Variants in PPM1A observed in about 807,000 individuals in gnomAD.
PPM1A encodes protein phosphatase, Mg2+/Mn2+ dependent 1A, also known as protein phosphatase 1A.
PPM1A carries 7 observed loss-of-function variants against 35.0 expected under a neutral mutation model. That is an observed-to-expected ratio of 0.20 (90% CI 0.11 to 0.38). PPM1A has a LOEUF of 0.38. Ranked by LOEUF, PPM1A falls within the 10% of genes least tolerant of loss-of-function variation. The pLI, the probability that PPM1A is intolerant of heterozygous loss-of-function variation, is 1.00. For synonymous variants in PPM1A, 153 were observed against 167.3 expected (o/e 0.91, Z 0.66); for missense variants, 239 against 467.8 (o/e 0.51, Z 4.51).
intron 1 of PPM1A, among the ~76,000 whole-genome samples, chr14:60,258,506 G>A (rs1392120049): frequency 1.3e-5 from 2 of 152,100 alleles, no homozygotes; most frequent in African/African-American, 2.4e-5. Flanking sequence ...AATAATGGGA[G>A]TGTGTATCTA....
At chr14:60,287,936 G>C (rs2139573177) in intron 3 of PPM1A, 1 of 985,280 alleles carries the variant, frequency 1.0e-6, no homozygotes, top group Non-Finnish European at 1.2e-6. Flanking sequence ...GAATGTGTTT[G>C]TGTATATGTA....
intron 4 of PPM1A, among the ~76,000 whole-genome samples, chr14:60,291,113 T>C (rs908406622): frequency 4.6e-5 from 7 of 152,110 alleles, no homozygotes; most frequent in African/African-American, 1.7e-4. Context: ...CCAATTCAAA[T>C]GGAAGTAGAC....
At position 60,282,271 on chromosome 14, in the gene PPM1A, A is replaced by G. The variant is rs1886486300; in HGVS notation, c.-20-413A>G. On this transcript the variant is annotated intron_variant, in intron 1 of 5. Transcript: ENST00000395076. This position sits in a 1 kb window ranked among gnomAD's most constrained non-coding sequence, Gnocchi z 5.1. ...CTTGAAAATTCCTGAATGTTCAACC[A>G]AGATATATTTGAGTTAGTAGATTTT... Among the ~76,000 whole-genome samples the G allele has an allele frequency of 9.3e-6, 1 of 107,578 alleles. No homozygotes were observed. Among genetic ancestry groups the G allele is most frequent in the Admixed American group, 7.6e-5 (1 of 13,234 alleles). The allele number at this position is 107,578 out of a possible 152,430, so 70.6% of individuals were successfully genotyped here.
chr14:60,263,280 AC>A (rs1883981388), intron 1 of PPM1A, among the ~76,000 whole-genome samples: 2 of 152,104 alleles, frequency 1.3e-5, no homozygotes, highest in African/African-American at 4.8e-5. Flanking sequence ...CTTAGAGCCT[AC>A]TTCTATGGAC....
chr14:60,267,611 C>G (rs1884549155), intron 1 of PPM1A, among the ~76,000 whole-genome samples: 1 of 151,946 alleles, frequency 6.6e-6, no homozygotes, highest in South Asian at 2.1e-4. Flanking sequence ...CTATAGATAA[C>G]TTAGGTAATT....
intron 4 of PPM1A, among the ~76,000 whole-genome samples, 161 bp downstream of exon 4, chr14:60,290,075 T>A (rs984963439): frequency 7.9e-5 from 12 of 152,204 alleles, no homozygotes; most frequent in African/African-American, 2.7e-4. Flanking sequence ...ATCTAGAGTT[T>A]GTTTAGACAT....
chr14:60,268,994 A>G (rs1884747043), intron 1 of PPM1A, among the ~76,000 whole-genome samples: 1 of 146,262 alleles, frequency 6.8e-6, no homozygotes, highest in African/African-American at 2.5e-5. Flanking sequence ...TTAGAAATCT[A>G]TAAGCTTTTC....
intron 1 of PPM1A, among the ~76,000 whole-genome samples, chr14:60,251,110 T>C (rs899067064): frequency 1.1e-4 from 17 of 152,274 alleles, no homozygotes; most frequent in Admixed American, 9.8e-4. Context: ...GTGTAACTTA[T>C]ATGTATCTGA....
rs1017358937 is a variant in PPM1A at position 60,297,713 on chromosome 14, T to G, written c.*5231T>G. On this transcript the variant is annotated 3_prime_UTR_variant, in exon 6 of 6. Coordinates refer to ENST00000395076, the MANE Select transcript of PPM1A (RefSeq NM_021003.5). ...AGATCGGGTAGCTGCGGAACAAAAT[T>G]AGTTATATCCTAATTAGGTACAGTG... is the stretch of plus-strand genomic sequence containing the variant. 7.2e-5 allele frequency: 11 copies of G among 151,736 alleles called. No homozygotes were observed. Among genetic ancestry groups the G allele is most frequent in the African/African-American group, 2.7e-4 (11 of 41,398 alleles). 9.4% of individuals were successfully genotyped at this position (151,736 alleles called of 1,614,324 possible).
chr14:60,291,566 CCT>C (rs1256526074), intron 5 of PPM1A, 112 bp downstream of exon 5: 1 of 736,586 alleles, frequency 1.4e-6, no homozygotes, highest in Non-Finnish European at 2.1e-6. Flanking sequence ...TACACACACC[CCT>C]GATTGATTGC....
upstream of PPM1A, among the ~76,000 whole-genome samples, chr14:60,247,627 C>CAAAAAAAAAAAAAAAAAA (rs58749853): frequency 2.0e-5 from 1 of 50,144 alleles, no homozygotes; most frequent in African/African-American, 6.9e-5. Flanking sequence ...GACTCTGTCT[C>CAAAAAAAAAAAAAAAAAA]AAAAAAAAAA....
At chr14:60,263,861 C>G (rs1021576467) in intron 1 of PPM1A, among the ~76,000 whole-genome samples, 1 of 151,496 alleles carries the variant, frequency 6.6e-6, no homozygotes, top group Non-Finnish European at 1.5e-5. Context: ...TAGTTTGTTT[C>G]TTTCTGTATT....
intron 1 of PPM1A, among the ~76,000 whole-genome samples, chr14:60,271,665 G>T (rs1885136611): frequency 6.6e-6 from 1 of 152,112 alleles, no homozygotes; most frequent in South Asian, 2.1e-4. Flanking sequence ...AGGTTATCAG[G>T]TTATCAGTTT....
At chr14:60,278,395 C>T (rs184827898) in intron 1 of PPM1A, among the ~76,000 whole-genome samples, 113 of 148,354 alleles carry the variant, frequency 7.6e-4, no homozygotes, top group African/African-American at 2.4e-3. Flanking sequence ...ATTCAGCTTA[C>T]CTTAGATGAA....
At chr14:60,280,109 C>T (rs1484906707) in intron 1 of PPM1A, among the ~76,000 whole-genome samples, 1 of 152,102 alleles carries the variant, frequency 6.6e-6, no homozygotes, top group Non-Finnish European at 1.5e-5. Flanking sequence ...AGGTTCAAGC[C>T]ATTCTTCTGC....
chr14:60,284,071 TA>T (rs1749193221), intron 2 of PPM1A, among the ~76,000 whole-genome samples: 1 of 152,224 alleles, frequency 6.6e-6, no homozygotes, highest in Non-Finnish European at 1.5e-5. Context: ...TTAGGTAAGC[TA>T]TTTAAACTCT....
intron 4 of PPM1A, among the ~76,000 whole-genome samples, chr14:60,290,617 A>G (rs1454754667): frequency 6.6e-6 from 1 of 152,146 alleles, no homozygotes; most frequent in Non-Finnish European, 1.5e-5. Flanking sequence ...TATAGAGTAA[A>G]TGTGCTAAAA....
chr14:60,291,301 G>C (rs541750526), intron 4 of PPM1A, 96 bp from the exon 5 acceptor site: 1 of 817,678 alleles, frequency 1.2e-6, no homozygotes, highest in African/African-American at 1.8e-5. Flanking sequence ...CTGAGTATAA[G>C]ATTATCTTAG....
chr14:60,265,751 G>T (rs1164711833), intron 1 of PPM1A, among the ~76,000 whole-genome samples: 3 of 152,118 alleles, frequency 2.0e-5, no homozygotes, highest in African/African-American at 7.2e-5. Context: ...ATGGAAGGCA[G>T]GAATGCAAGA....
Sources: allele counts gnomAD v4.1 joint callset (sites outside exome capture counted in the v4.1 genomes callset), GRCh38; gene constraint gnomAD v4.1.1; non-coding constraint Gnocchi (gnomAD v3.1); transcripts MANE v1.5; gene names NCBI Gene and HGNC (gene_info 2026-07-23, HGNC 2026-07-21).